XPR1: variants seen among roughly 807,000 people sequenced by gnomAD.
XPR1 encodes xenotropic and polytropic retrovirus receptor 1.
A neutral mutation model predicts 87.5 loss-of-function variants in XPR1; 28 were observed. The ratio of observed to expected loss-of-function variants is 0.32; its 90% CI spans 0.24 to 0.44. XPR1 has a LOEUF of 0.44. Ranked by LOEUF, XPR1 falls within the 20% of genes least tolerant of loss-of-function variation. XPR1 has a pLI of 1.00. For missense variants in XPR1, 559 were observed against 862.3 expected (o/e 0.65, Z 4.41); for synonymous variants, 300 against 306.1 (o/e 0.98, Z 0.21).
chr1:180,811,018 G>T (rs1422738545), intron 6 of XPR1, among the ~76,000 whole-genome samples: 1 of 151,954 alleles, frequency 6.6e-6, no homozygotes, highest in Non-Finnish European at 1.5e-5. Context: ...TGTAAATGCT[G>T]TATAAATAGT....
At chr1:180,721,945 T>C (rs908358603) in intron 2 of XPR1, among the ~76,000 whole-genome samples, 1 of 152,082 alleles carries the variant, frequency 6.6e-6, no homozygotes, top group African/African-American at 2.4e-5. Flanking sequence ...AGGGTATTAG[T>C]AGTTAAGTTT....
chr1:180,640,754 C>T (rs897675729), intron 1 of XPR1, among the ~76,000 whole-genome samples: 1 of 151,828 alleles, frequency 6.6e-6, no homozygotes. Context: ...AAGGAACTTA[C>T]GAAGATAAAT....
At chr1:180,718,464 A>G (rs1658071287) in intron 2 of XPR1, among the ~76,000 whole-genome samples, 1 of 152,152 alleles carries the variant, frequency 6.6e-6, no homozygotes, top group Non-Finnish European at 1.5e-5. Flanking sequence ...AGATGTCATT[A>G]AATTTTGGAA....
At chr1:180,684,418 G>C (rs1312225343) in intron 2 of XPR1, among the ~76,000 whole-genome samples, 7 of 152,130 alleles carry the variant, frequency 4.6e-5, no homozygotes, top group African/African-American at 1.4e-4. Context: ...AAGTCAGGTA[G>C]CGTGATGCCT....
chr1:180,863,680 C>CT, intron 11 of XPR1, 28 bp from the exon 12 acceptor site: 3 of 1,515,514 alleles, frequency 2.0e-6, no homozygotes, highest in Non-Finnish European at 2.6e-6. Context: ...GTAATTTTCT[C>CT]TTTTCTCTTT....
rs144598749 is a variant in XPR1 at position 180,836,190 on chromosome 1, G to A, written c.1307-332G>A. ...CCTGGGCAACATGGTGAAACCCCAT[G>A]TCTACTAAAAATACAAAATTAGCTG... On this transcript the variant is annotated intron_variant, in intron 10 of 14. Coordinates refer to ENST00000367590, the MANE Select transcript of XPR1 (RefSeq NM_004736.4). 2.9e-3 allele frequency among the ~76,000 whole-genome samples: 441 copies of A among 151,962 alleles called. 3 individuals carry two copies. The highest frequency in any genetic ancestry group is 9.6e-3 in the African/African-American group (399 of 41,460).
chr1:180,842,840 G>C (rs987797534), intron 11 of XPR1, among the ~76,000 whole-genome samples: 6 of 152,128 alleles, frequency 3.9e-5, no homozygotes, highest in Non-Finnish European at 8.8e-5. Flanking sequence ...GATTTAGTTA[G>C]CTCTTTGTTA....
chr1:180,769,177 AG>A (rs1345204310), intron 2 of XPR1, among the ~76,000 whole-genome samples: 3 of 152,254 alleles, frequency 2.0e-5, no homozygotes, highest in African/African-American at 7.2e-5. Context: ...GCTTTCATAC[AG>A]GGATGCAATG....
At chr1:180,680,046 A>G (rs1656512557) in intron 1 of XPR1, among the ~76,000 whole-genome samples, 2 of 152,144 alleles carry the variant, frequency 1.3e-5, no homozygotes, top group South Asian at 4.1e-4. Flanking sequence ...GCAAAAAAAA[A>G]TTGATTTAAA....
At chr1:180,856,147 T>A (rs1652020894) in intron 11 of XPR1, among the ~76,000 whole-genome samples, 1 of 152,114 alleles carries the variant, frequency 6.6e-6, no homozygotes, top group Admixed American at 6.5e-5. Flanking sequence ...ATTCTTACTG[T>A]CTCCATTCCT....
intron 2 of XPR1, among the ~76,000 whole-genome samples, chr1:180,715,776 G>A (rs1409353934): frequency 6.6e-6 from 1 of 151,828 alleles, no homozygotes; most frequent in African/African-American, 2.4e-5. Flanking sequence ...TCCCGGAAGC[G>A]ATTCTCCTGC....
intron 2 of XPR1, among the ~76,000 whole-genome samples, chr1:180,781,844 G>A (rs1409639846): frequency 6.6e-6 from 1 of 151,920 alleles, no homozygotes; most frequent in African/African-American, 2.4e-5. Flanking sequence ...TGCCCAGGCT[G>A]GAGTGCGGTG....
intron 2 of XPR1, among the ~76,000 whole-genome samples, chr1:180,771,294 AT>A (rs893159379): frequency 3.3e-5 from 5 of 151,968 alleles, no homozygotes; most frequent in African/African-American, 1.2e-4. Context: ...TTTTTTTTTA[AT>A]TTGTCTTTAG....
At chr1:180,713,913 T>G (rs978744961) in intron 2 of XPR1, among the ~76,000 whole-genome samples, 29 of 152,246 alleles carry the variant, frequency 1.9e-4, no homozygotes, top group African/African-American at 6.7e-4. Context: ...GAAAGAATTC[T>G]TTTCATTAGT....
intron 3 of XPR1, among the ~76,000 whole-genome samples, chr1:180,794,104 G>A (rs747420058): frequency 2.6e-5 from 4 of 152,112 alleles, no homozygotes; most frequent in Non-Finnish European, 5.9e-5. Flanking sequence ...TGAGAAATGC[G>A]TCATGAGGTG....
chr1:180,680,761 A>G (rs1288612073), intron 1 of XPR1, among the ~76,000 whole-genome samples: 2 of 152,210 alleles, frequency 1.3e-5, no homozygotes, highest in African/African-American at 4.8e-5. Context: ...CTGTACCCCT[A>G]TGCTTATTGC....
chr1:180,740,277 GT>G (rs1658871633), intron 2 of XPR1, among the ~76,000 whole-genome samples: 1 of 152,054 alleles, frequency 6.6e-6, no homozygotes, highest in African/African-American at 2.4e-5. Flanking sequence ...TAGTTATAAT[GT>G]TTGCTGCAGG....
intron 11 of XPR1, among the ~76,000 whole-genome samples, chr1:180,839,949 C>T (rs375356618): frequency 1.4e-3 from 218 of 151,462 alleles, no homozygotes; most frequent in Non-Finnish European, 2.3e-3. Context: ...CTCGGCCGGG[C>T]GCGGTGGCTC....
chr1:180,840,562 GTGTGTATATATATATATA>G (rs1036556401), intron 11 of XPR1, among the ~76,000 whole-genome samples: 6 of 135,092 alleles, frequency 4.4e-5, no homozygotes, highest in Non-Finnish European at 6.3e-5. Flanking sequence ...GTGTGTGTGT[GTGTGTATATATATATATA>G]TATATATATA....
Sources: gnomAD v4.1 joint callset for allele counts (sites outside exome capture counted in the v4.1 genomes callset) on GRCh38, gnomAD v4.1.1 for gene constraint, MANE v1.5 for transcripts, NCBI Gene and HGNC (gene_info 2026-07-23, HGNC 2026-07-21) for gene names.